The following CD44 variants were observed in gnomAD, a reference collection of about 807,000 sequenced individuals.
The protein encoded by CD44 is CD44 molecule (IN blood group).
CD44 carries 49 observed loss-of-function variants against 88.8 expected under a neutral mutation model. The observed-to-expected ratio is 0.55, with a 90% CI of 0.44 to 0.70. The LOEUF (loss-of-function observed/expected upper bound fraction) is 0.70. Among genes scored for constraint, CD44 ranks in the 30% least tolerant of loss-of-function variants. The pLI, the probability that CD44 is intolerant of heterozygous loss-of-function variation, is 0.00. For missense variants in CD44, 883 were observed against 913.8 expected, an observed-to-expected ratio of 0.97 and a Z score of 0.43; for synonymous variants, 325 against 312.3, an observed-to-expected ratio of 1.04 and a Z score of -0.43.
In CD44 at chr11:35,200,974, T is replaced by C. The variant is rs920965328; in HGVS notation, c.923-108T>C. The stretch of plus-strand genomic sequence containing the variant: ...CCATGCAGCCATCTATACAACCTGG[T>C]ATAGATGATTCATTGCATAGCCTAC... On this transcript the variant is annotated intron_variant, in intron 7 of 17. Coordinates refer to ENST00000428726, the MANE Select transcript of CD44 (RefSeq NM_000610.4). The C allele has an allele frequency of 1.1e-5, 9 of 808,734 alleles. No homozygotes were observed. In the East Asian group the frequency reaches 2.2e-4, roughly 20 times the overall value. The allele number at this position is 808,734 out of a possible 1,614,324, so 50.1% of individuals were successfully genotyped here. A position where few individuals can be genotyped will look rare whatever the true frequency, so the allele number is the denominator to read the frequency against.
intron 1 of CD44, among the ~76,000 whole-genome samples, chr11:35,154,839 C>T (rs1165443937): frequency 6.6e-6 from 1 of 152,134 alleles, no homozygotes; most frequent in Non-Finnish European, 1.5e-5. Flanking sequence ...GAACAATCAG[C>T]TCTCATAAAA....
At chr11:35,218,438 C>T (rs926600360) in intron 15 of CD44, among the ~76,000 whole-genome samples, 2 of 152,154 alleles carry the variant, frequency 1.3e-5, no homozygotes, top group African/African-American at 4.8e-5. Flanking sequence ...AAGCAATTCT[C>T]CTGCCTCAGC....
chr11:35,198,548 AC>A (rs1946982637), intron 7 of CD44: 2 of 298,060 alleles, frequency 6.7e-6, no homozygotes, highest in African/African-American at 4.3e-5. Context: ...TTAAAACAGT[AC>A]AAAAAATGTA....
At chr11:35,140,136 T>C (rs2132918685) in intron 1 of CD44, among the ~76,000 whole-genome samples, 1 of 152,304 alleles carries the variant, frequency 6.6e-6, no homozygotes, top group East Asian at 1.9e-4. Flanking sequence ...ATTCCCTGCC[T>C]GGCAGCCTCA....
chr11:35,160,884 T>G (rs1018346811), intron 1 of CD44, among the ~76,000 whole-genome samples: 5 of 152,302 alleles, frequency 3.3e-5, no homozygotes, highest in African/African-American at 1.2e-4. Flanking sequence ...GGATCCTCCT[T>G]AGAATGGTGT....
At chr11:35,176,484 G>C in intron 1 of CD44, 91 bp from the exon 2 acceptor site, 1 of 1,241,010 alleles carries the variant, frequency 8.1e-7, no homozygotes, top group Non-Finnish European at 1.1e-6. Flanking sequence ...GGCCTTATTT[G>C]ACTTTTTAAG....
At chr11:35,156,436 G>A (rs1162300578) in intron 1 of CD44, among the ~76,000 whole-genome samples, 1 of 152,174 alleles carries the variant, frequency 6.6e-6, no homozygotes, top group Non-Finnish European at 1.5e-5. Context: ...GAAGGGTGCC[G>A]GTTCTTTTCA....
chr11:35,204,511 G>C lies in CD44; in HGVS notation c.1154-1G>C. On this transcript the variant is annotated splice_acceptor_variant, in intron 9 of 17. Coordinates refer to ENST00000428726, the MANE Select transcript of CD44 (RefSeq NM_000610.4). LOFTEE classifies it high-confidence loss of function. Reference sequence around the variant, plus strand: ...TCTCCCAACTGATATTCTTCTCACAGTCCAGGCAACTCCTAGTAGTACAAC... The same window carrying C: ...TCTCCCAACTGATATTCTTCTCACACTCCAGGCAACTCCTAGTAGTACAAC... 1 of 1,612,986 alleles carries C rather than the reference G, an allele frequency of 6.2e-7. No individual in the cohort carries two copies.
chr11:35,143,003 C>T (rs1858303819), intron 1 of CD44, among the ~76,000 whole-genome samples: 1 of 152,008 alleles, frequency 6.6e-6, no homozygotes, highest in African/African-American at 2.4e-5. Context: ...ACTGTGGGAG[C>T]CTCAACCCCA....
intron 6 of CD44, chr11:35,197,553 A>C (rs1394828795): frequency 6.6e-6 from 1 of 152,592 alleles, no homozygotes; most frequent in Non-Finnish European, 1.5e-5. Context: ...TTTTTGCTCT[A>C]TGCTGAAGTA....
chr11:35,192,888 C>A (rs575914476), intron 5 of CD44, among the ~76,000 whole-genome samples: 61 of 151,150 alleles, frequency 4.0e-4, no homozygotes, highest in African/African-American at 1.3e-3. Context: ...CATTTTTCCC[C>A]CTCATACCAC....
intron 1 of CD44, among the ~76,000 whole-genome samples, chr11:35,160,722 C>G (rs1942488519): frequency 2.0e-5 from 3 of 152,188 alleles, no homozygotes; most frequent in Non-Finnish European, 4.4e-5. Context: ...AACTCCAGGT[C>G]ACTAGACCTT....
chr11:35,191,705 A>T (rs1337479398), intron 5 of CD44, among the ~76,000 whole-genome samples: 1 of 152,196 alleles, frequency 6.6e-6, no homozygotes, highest in Non-Finnish European at 1.5e-5. Context: ...TTGGGACTAT[A>T]TGTAGTTAAC....
chr11:35,142,253 AG>A (rs1858135621), intron 1 of CD44, among the ~76,000 whole-genome samples: 1 of 152,114 alleles, frequency 6.6e-6, no homozygotes, highest in Admixed American at 6.5e-5. Flanking sequence ...GCGATTCCTC[AG>A]GGATCTAGAA....
At chr11:35,198,731 C>A (rs553634987) in intron 7 of CD44, among the ~76,000 whole-genome samples, 25 of 152,238 alleles carry the variant, frequency 1.6e-4, no homozygotes, top group African/African-American at 5.8e-4. Context: ...GTAATCCCAG[C>A]ACCCTGGGAG....
At chr11:35,175,865 T>TTC (rs1944399612) in intron 1 of CD44, among the ~76,000 whole-genome samples, 1 of 74,784 alleles carries the variant, frequency 1.3e-5, no homozygotes, top group Non-Finnish European at 3.0e-5. Context: ...TTGTTTGTTC[T>TTC]TTTTTTTTTT....
chr11:35,159,967 A>G (rs1284451182), intron 1 of CD44, among the ~76,000 whole-genome samples: 2 of 152,214 alleles, frequency 1.3e-5, no homozygotes, highest in African/African-American at 4.8e-5. Flanking sequence ...TGAGGAGCTC[A>G]AAACAATTGA....
intron 15 of CD44, among the ~76,000 whole-genome samples, chr11:35,218,192 C>T (rs1436561774): frequency 6.6e-6 from 1 of 152,126 alleles, no homozygotes; most frequent in Admixed American, 6.5e-5. Context: ...CAGTTTAAGG[C>T]ATTTTGTTCA....
At chr11:35,164,849 G>A (rs1376832578) in intron 1 of CD44, among the ~76,000 whole-genome samples, 1 of 152,226 alleles carries the variant, frequency 6.6e-6, no homozygotes, top group Non-Finnish European at 1.5e-5. Context: ...TTGGGCTGCA[G>A]CCTTTGAGCT....
Sources: gnomAD v4.1 joint callset for allele counts (sites outside exome capture counted in the v4.1 genomes callset) on GRCh38, gnomAD v4.1.1 for gene constraint, MANE v1.5 for transcripts, NCBI Gene and HGNC (gene_info 2026-07-23, HGNC 2026-07-21) for gene names.